The following KIF26B variants were observed in gnomAD, a reference collection of about 807,000 sequenced individuals.
The protein encoded by KIF26B is kinesin-like protein KIF26B.
In KIF26B, 63 loss-of-function variants were observed where a neutral mutation model predicts 151.2. The ratio of observed to expected loss-of-function variants is 0.42; its 90% CI spans 0.34 to 0.51. The LOEUF is 0.51. KIF26B is among the 20% of genes least tolerant of loss of function. The pLI is 0.07. For missense variants in KIF26B, 2,813 were observed against 2,913.6 expected (o/e 0.97, Z 0.79); for synonymous variants, 1,357 against 1,262.1 (o/e 1.08, Z -1.59).
intron 2 of KIF26B, among the ~76,000 whole-genome samples, chr1:245,333,891 G>A (rs1203738834): frequency 5.3e-5 from 8 of 152,080 alleles, no homozygotes; most frequent in Admixed American, 4.6e-4. Flanking sequence ...CCAGCTACTC[G>A]GGAGGCTGAG....
At chr1:245,319,495 G>T (rs60493916) in intron 2 of KIF26B, among the ~76,000 whole-genome samples, 3,122 of 149,580 alleles carry the variant, frequency 0.021, 117 homozygotes, top group African/African-American at 0.074. Context: ...GCTTGGCAAA[G>T]TAATTACTAC....
Position 245,687,400 on chromosome 1 carries a change from G to C in KIF26B, c.4417G>C (p.Glu1473Gln). The C allele has an allele frequency of 1.9e-6, 3 of 1,589,286 alleles. No individual in the cohort carries two copies. The highest frequency in any genetic ancestry group is 2.6e-6 in the Non-Finnish European group (3 of 1,168,164). Residue 1473 changes from glutamate (E) to glutamine (Q), a missense_variant, in exon 12 of 15, where the codon GAG becomes CAG. Glu to Gln is a conservative substitution (Grantham distance 29). This residue lies in a region of KIF26B where 2,060 missense variants were observed against 2,088.6 expected (regional missense o/e 0.99). Coordinates refer to ENST00000407071, the MANE Select transcript of KIF26B (RefSeq NM_018012.4). The surrounding 1 kb of genome is among the most constrained non-coding windows in gnomAD (Gnocchi z 4.9). Reference protein sequence around the residue: ...CETATGPSNAETRAEQEQDGK... With the variant: ...CETATGPSNAQTRAEQEQDGK... ...GACTGCCACGGGCCCCTCGAATGCT[G>C]AGACCAGAGCAGAGCAGGAGCAGGA...
chr1:245,400,299 A>G (rs1673964105), intron 3 of KIF26B, among the ~76,000 whole-genome samples: 1 of 152,200 alleles, frequency 6.6e-6, no homozygotes, highest in African/African-American at 2.4e-5. Context: ...GGCTGCCCTA[A>G]GTATTTATCC....
At chr1:245,210,508 CTTT>C (rs35803033) in intron 2 of KIF26B, among the ~76,000 whole-genome samples, 11 of 129,760 alleles carry the variant, frequency 8.5e-5, no homozygotes, top group African/African-American at 8.7e-5. Context: ...ATATCCTAAG[CTTT>C]TTTTTTTTTT....
At chr1:245,412,948 C>G (rs973040954) in intron 3 of KIF26B, among the ~76,000 whole-genome samples, 4 of 152,156 alleles carry the variant, frequency 2.6e-5, no homozygotes, top group Non-Finnish European at 4.4e-5. Context: ...GCAGCCTGGC[C>G]CCTTTTGCTG....
chr1:245,343,085 C>CAAAA (rs11377283), intron 2 of KIF26B, among the ~76,000 whole-genome samples: 50 of 131,960 alleles, frequency 3.8e-4, no homozygotes, highest in African/African-American at 1.5e-3. Flanking sequence ...GACTCCATCT[C>CAAAA]AAAAAAAAAA....
intron 4 of KIF26B, among the ~76,000 whole-genome samples, chr1:245,531,613 T>G (rs886685286): frequency 6.6e-6 from 1 of 152,192 alleles, no homozygotes; most frequent in Admixed American, 6.5e-5. Flanking sequence ...AAGGCTGGAT[T>G]GACTAAGAAG....
chr1:245,452,159 A>C (rs181532612), intron 4 of KIF26B, among the ~76,000 whole-genome samples: 33 of 152,212 alleles, frequency 2.2e-4, no homozygotes, highest in Non-Finnish European at 1.5e-5. Flanking sequence ...GGATTTGCCT[A>C]CTCATAAAAG....
intron 2 of KIF26B, among the ~76,000 whole-genome samples, chr1:245,160,989 T>C (rs1176580869): frequency 6.6e-6 from 1 of 152,146 alleles, no homozygotes; most frequent in East Asian, 1.9e-4. Flanking sequence ...ATTTTATAGA[T>C]AGGATAAAAC....
rs575734737 is a variant in KIF26B at position 245,604,865 on chromosome 1, A to T, written c.1557+2082A>T. ...CATTTCGTAGACATTAACACATTTG[A>T]CTCTTCCTAGAATTCAGTGGGGTAG... On this transcript the variant is annotated intron_variant, in intron 6 of 14. Coordinates refer to ENST00000407071, the MANE Select transcript of KIF26B (RefSeq NM_018012.4). 2.0e-4 allele frequency among the ~76,000 whole-genome samples: 30 copies of T among 152,182 alleles called. No individual in the cohort carries two copies. The South Asian group carries it at 6.0e-3, about 31-fold the overall frequency.
chr1:245,401,822 A>G (rs1271071406), intron 3 of KIF26B, among the ~76,000 whole-genome samples: 1 of 152,180 alleles, frequency 6.6e-6, no homozygotes, highest in Non-Finnish European at 1.5e-5. Context: ...GTGAGCCTAG[A>G]TAGAGCCATT....
intron 3 of KIF26B, among the ~76,000 whole-genome samples, chr1:245,414,340 A>C (rs1229973713): frequency 6.6e-6 from 1 of 152,194 alleles, no homozygotes; most frequent in Non-Finnish European, 1.5e-5. Context: ...AGGAGGTGGG[A>C]TGGGAGGTCA....
intron 4 of KIF26B, among the ~76,000 whole-genome samples, chr1:245,476,580 G>A (rs987246666): frequency 1.3e-5 from 2 of 151,268 alleles, no homozygotes; most frequent in East Asian, 1.9e-4. Context: ...CTGTCACCCA[G>A]GCTGAAGTGC....
intron 9 of KIF26B, among the ~76,000 whole-genome samples, chr1:245,612,573 G>A (rs2043539340): frequency 6.6e-6 from 1 of 152,134 alleles, no homozygotes; most frequent in Non-Finnish European, 1.5e-5. Flanking sequence ...AGAGGTCAAA[G>A]TTACAAAAAG....
chr1:245,391,672 A>AG (rs1553270212), intron 3 of KIF26B, among the ~76,000 whole-genome samples: 171 of 147,576 alleles, frequency 1.2e-3, no homozygotes, highest in East Asian at 3.9e-3. Flanking sequence ...AAAAAAAAAA[A>AG]AGAGAGAGAT....
At chr1:245,472,927 AG>A (rs1481900068) in intron 4 of KIF26B, among the ~76,000 whole-genome samples, 1 of 152,258 alleles carries the variant, frequency 6.6e-6, no homozygotes, top group African/African-American at 2.4e-5. Context: ...AATGTAGCCA[AG>A]AGGTAGGTGT....
rs1384647995 is a variant in KIF26B at position 245,707,037 on chromosome 1, A to G, written c.*4431A>G. On this transcript the variant is annotated 3_prime_UTR_variant, in exon 15 of 15. Coordinates refer to ENST00000407071, the MANE Select transcript of KIF26B (RefSeq NM_018012.4). ...CAAAATGACACATTTTAAAATTACA[A>G]CCTGTTCATTATTTCCATCATAATG... 1 of 152,228 alleles carries G rather than the reference A, an allele frequency of 6.6e-6. No individual in the cohort carries two copies. Among genetic ancestry groups the G allele is most frequent in the East Asian group, 1.9e-4 (1 of 5,200 alleles). 9.4% of individuals were successfully genotyped at this position (152,228 alleles called of 1,614,324 possible). A position where few individuals can be genotyped will look rare whatever the true frequency, so the allele number is the denominator to read the frequency against.
intron 9 of KIF26B, among the ~76,000 whole-genome samples, chr1:245,631,739 T>G (rs143748263): frequency 1.3e-5 from 2 of 152,340 alleles, no homozygotes; most frequent in Admixed American, 6.5e-5. Flanking sequence ...GAACTTTTTA[T>G]TACTGATTAA....
chr1:245,678,972 T>G (rs2044392873), intron 10 of KIF26B, among the ~76,000 whole-genome samples: 1 of 152,148 alleles, frequency 6.6e-6, no homozygotes. Context: ...CTGTTTCCGT[T>G]TTTGCTGCTC....
Sources: gnomAD v4.1 joint callset for allele counts (sites outside exome capture counted in the v4.1 genomes callset) on GRCh38, gnomAD v4.1.1 for gene constraint, gnomAD v4.1.1 regional missense constraint, Gnocchi (gnomAD v3.1) non-coding constraint, MANE v1.5 for transcripts, NCBI Gene and HGNC (gene_info 2026-07-23, HGNC 2026-07-21) for gene names.